The following PCBD2 variants were observed in gnomAD, a reference collection of about 807,000 sequenced individuals.
The protein encoded by PCBD2 is pterin-4 alpha-carbinolamine dehydratase 2.
A neutral mutation model predicts 16.4 loss-of-function variants in PCBD2; 12 were observed. The ratio of observed to expected loss-of-function variants is 0.73; its 90% confidence interval spans 0.47 to 1.19. PCBD2 has a LOEUF of 1.19. Ranked by LOEUF, PCBD2 falls within the 50% of genes most tolerant of loss-of-function variation. The pLI is 0.00. For missense variants in PCBD2, 138 were observed against 156.8 expected (o/e 0.88, Z 0.64); for synonymous variants, 58 against 61.8 (o/e 0.94, Z 0.29).
chr5:134,912,830 G>A (rs1411450689), intron 2 of PCBD2, among the ~76,000 whole-genome samples: 1 of 152,158 alleles, frequency 6.6e-6, no homozygotes, highest in Admixed American at 6.5e-5. Context: ...TCAGGAGTTG[G>A]TTTTCTCTTG....
At chr5:134,910,596 C>G (rs944546378) in intron 2 of PCBD2, 130 bp downstream of exon 2, 1 of 1,175,970 alleles carries the variant, frequency 8.5e-7, no homozygotes, top group African/African-American at 1.5e-5. Flanking sequence ...TTTAAGAATT[C>G]AGTGATAGAG....
At chr5:134,927,439 T>C (rs980165162) in intron 2 of PCBD2, 1 of 398,240 alleles carries the variant, frequency 2.5e-6, no homozygotes, top group African/African-American at 2.1e-5. Context: ...AAAGCTATTG[T>C]GTACGCTAGC....
Position 134,952,947 on chromosome 5 carries a change from A to G in PCBD2, c.217-6093A>G, listed in dbSNP as rs147302698. 1.5e-3 allele frequency among the ~76,000 whole-genome samples: 232 copies of G among 152,154 alleles called. 1 individual carries two copies. The highest frequency in any genetic ancestry group is 5.4e-3 in the African/African-American group (223 of 41,510). On this transcript the variant is annotated intron_variant, in intron 2 of 3. Transcript: ENST00000254908. ...GTAATTATTTAATCTTCATTGGTGG[A>G]TGCAAATTTATAAATGCAAATTACC...
At chr5:134,935,819 C>T (rs1267038439) in intron 2 of PCBD2, among the ~76,000 whole-genome samples, 1 of 152,152 alleles carries the variant, frequency 6.6e-6, no homozygotes, top group Non-Finnish European at 1.5e-5. Context: ...CTGAATGAGA[C>T]AGTTGTCATG....
At chr5:134,939,499 G>A (rs6889478) in intron 2 of PCBD2, among the ~76,000 whole-genome samples, 5,156 of 152,174 alleles carry the variant, frequency 0.034, 178 homozygotes, top group African/African-American at 0.084. Flanking sequence ...AAAGAATGGT[G>A]CATAGTGCCC....
chr5:134,951,927 T>C (rs1580893786), intron 2 of PCBD2, among the ~76,000 whole-genome samples: 2 of 152,250 alleles, frequency 1.3e-5, no homozygotes, highest in East Asian at 3.9e-4. Flanking sequence ...TTTATTACCA[T>C]ACAGAAAAAA....
At chr5:134,907,473 C>A (rs1433964545) in intron 1 of PCBD2, among the ~76,000 whole-genome samples, 4 of 151,866 alleles carry the variant, frequency 2.6e-5, no homozygotes, top group African/African-American at 9.7e-5. Context: ...GAACTCCTGA[C>A]CTTGTGATCT....
chr5:134,916,919 A>C (rs1750840552), intron 2 of PCBD2, among the ~76,000 whole-genome samples: 1 of 152,156 alleles, frequency 6.6e-6, no homozygotes. Flanking sequence ...CGAGGCAGGG[A>C]GTTTCCACAC....
chr5:134,945,979 CA>C (rs900266291), intron 2 of PCBD2, among the ~76,000 whole-genome samples: 1 of 151,890 alleles, frequency 6.6e-6, no homozygotes, highest in African/African-American at 2.4e-5. Context: ...TCTTTGATAC[CA>C]AAAATAGGGT....
intron 2 of PCBD2, among the ~76,000 whole-genome samples, chr5:134,931,224 A>G (rs1159161019): frequency 6.6e-6 from 1 of 152,024 alleles, no homozygotes; most frequent in Non-Finnish European, 1.5e-5. Context: ...TTTTTGAATC[A>G]TAACTTGGTG....
intron 2 of PCBD2, chr5:134,923,387 G>A (rs2149532493): frequency 5.2e-6 from 1 of 192,906 alleles, no homozygotes; most frequent in Non-Finnish European, 1.1e-5. Context: ...TGTAGTAGGG[G>A]TGGAAGGTGA....
intron 2 of PCBD2, among the ~76,000 whole-genome samples, chr5:134,916,779 T>C (rs1427999343): frequency 6.6e-6 from 1 of 152,224 alleles, no homozygotes; most frequent in Non-Finnish European, 1.5e-5. Flanking sequence ...TAGCCATAGG[T>C]GTCAGTTGCT....
At chr5:134,925,873 CATGA>C (rs941738451) in intron 2 of PCBD2, 2 of 393,408 alleles carry the variant, frequency 5.1e-6, no homozygotes, top group African/African-American at 4.1e-5. Context: ...TTGTGGGTCT[CATGA>C]GTTGGAGTGT....
intron 2 of PCBD2, among the ~76,000 whole-genome samples, chr5:134,910,948 C>T (rs1040181806): frequency 2.6e-5 from 4 of 152,032 alleles, no homozygotes; most frequent in Non-Finnish European, 5.9e-5. Context: ...GTGCCATGCC[C>T]AGCTAATTTT....
intron 2 of PCBD2, among the ~76,000 whole-genome samples, chr5:134,942,599 G>A (rs936576577): frequency 6.6e-6 from 1 of 152,034 alleles, no homozygotes; most frequent in Non-Finnish European, 1.5e-5. Flanking sequence ...AGGCTATTCA[G>A]GTATTGCCAT....
chr5:134,939,582 TTAAAACTTTAAATGCATC>T (rs948890831), intron 2 of PCBD2, among the ~76,000 whole-genome samples: 52 of 152,318 alleles, frequency 3.4e-4, no homozygotes, highest in African/African-American at 1.3e-3. Context: ...ACCTCCATTC[TTAAAACTTTAAATGCATC>T]TAAGGAAGGG....
chr5:134,956,862 C>T (rs1195226917), intron 2 of PCBD2, among the ~76,000 whole-genome samples: 2 of 152,214 alleles, frequency 1.3e-5, no homozygotes, highest in Admixed American at 1.3e-4. Flanking sequence ...TTACCGATCT[C>T]TTATTCTGTA....
chr5:134,923,626 C>T (rs760939592), intron 2 of PCBD2: 4 of 366,430 alleles, frequency 1.1e-5, no homozygotes, highest in Non-Finnish European at 1.5e-5. Context: ...ACTGTGGCCC[C>T]TCAGAAGGAT....
At chr5:134,911,681 T>G (rs1750770372) in intron 2 of PCBD2, among the ~76,000 whole-genome samples, 1 of 152,220 alleles carries the variant, frequency 6.6e-6, no homozygotes, top group East Asian at 1.9e-4. Flanking sequence ...ACCTTCGGCA[T>G]GTTTTCCTAG....
Sources: allele counts gnomAD v4.1 joint callset (sites outside exome capture counted in the v4.1 genomes callset), GRCh38; gene constraint gnomAD v4.1.1; transcripts MANE v1.5; gene names NCBI Gene and HGNC (gene_info 2026-07-23, HGNC 2026-07-21).